The following CTNND2 variants were observed in gnomAD, a reference collection of about 807,000 sequenced individuals.
CTNND2 encodes the protein catenin delta 2.
In CTNND2, 22 loss-of-function variants were observed where a neutral mutation model predicts 144.4. That is an observed-to-expected ratio of 0.15 (90% CI 0.11 to 0.22). The LOEUF is 0.22. Among genes scored for constraint, CTNND2 ranks in the 10% least tolerant of loss-of-function variants. The pLI is 1.00. For synonymous variants in CTNND2, 751 were observed against 695.6 expected (o/e 1.08, Z -1.25); for missense variants, 1,353 against 1,618.8 (o/e 0.84, Z 2.82).
chr5:11,790,998 G>A lies in CTNND2; in HGVS notation c.38-58726C>T, dbSNP rs141992651. Reference sequence around the variant, plus strand: ...GGATGGGCCCAATCCAACAGGACTGGAGTCCTTAAAAAAAGAGAGATGATG... The same window carrying A: ...GGATGGGCCCAATCCAACAGGACTGAAGTCCTTAAAAAAAGAGAGATGATG... On this transcript the variant is annotated intron_variant, in intron 1 of 21. Coordinates refer to ENST00000304623, the MANE Select transcript of CTNND2 (RefSeq NM_001332.4). Among the ~76,000 whole-genome samples the A allele has an allele frequency of 4.6e-4, 70 of 152,220 alleles. 1 individual carries two copies. In the East Asian group the frequency reaches 0.013, roughly 28 times the overall value.
intron 2 of CTNND2, among the ~76,000 whole-genome samples, chr5:11,655,382 C>G (rs996112216): frequency 6.6e-6 from 1 of 151,908 alleles, no homozygotes; most frequent in Non-Finnish European, 1.5e-5. Flanking sequence ...CAACCACCAC[C>G]CCCATTCTGC....
At chr5:11,058,550 G>T (rs189599760) in intron 16 of CTNND2, among the ~76,000 whole-genome samples, 1 of 152,272 alleles carries the variant, frequency 6.6e-6, no homozygotes, top group Non-Finnish European at 1.5e-5. Flanking sequence ...GAAGGGACAG[G>T]GTCCTCATGG....
chr5:11,406,004 C>A (rs1761071069), intron 5 of CTNND2, among the ~76,000 whole-genome samples: 1 of 152,028 alleles, frequency 6.6e-6, no homozygotes, highest in Non-Finnish European at 1.5e-5. Flanking sequence ...CAAAAATTAG[C>A]CAGGCGTAGT....
At chr5:11,506,875 C>A (rs1398177917) in intron 3 of CTNND2, among the ~76,000 whole-genome samples, 1 of 152,176 alleles carries the variant, frequency 6.6e-6, no homozygotes, top group Non-Finnish European at 1.5e-5. Flanking sequence ...CAAACAGTAT[C>A]TTCCCTTCTT....
At chr5:11,164,730 T>C (rs901772737) in intron 11 of CTNND2, among the ~76,000 whole-genome samples, 2 of 152,212 alleles carry the variant, frequency 1.3e-5, no homozygotes, top group African/African-American at 4.8e-5. Flanking sequence ...TCAACTTAAA[T>C]GTGCTAAACT....
intron 2 of CTNND2, among the ~76,000 whole-genome samples, chr5:11,672,955 T>G (rs1222016976): frequency 6.6e-6 from 1 of 152,132 alleles, no homozygotes; most frequent in East Asian, 1.9e-4. Context: ...CCAGTCACAA[T>G]GAGATGAACC....
At chr5:11,017,363 C>T (rs1284996979) in intron 18 of CTNND2, among the ~76,000 whole-genome samples, 2 of 151,734 alleles carry the variant, frequency 1.3e-5, no homozygotes, top group Middle Eastern at 3.2e-3. Flanking sequence ...GAACAAATGC[C>T]GAGCATCTTG....
rs560176493 is a variant in CTNND2 at position 11,890,681 on chromosome 5, G to A, written c.37+13136C>T. Among the ~76,000 whole-genome samples the A allele has an allele frequency of 1.6e-4, 25 of 152,284 alleles. No homozygotes were observed. In the South Asian group the frequency reaches 2.7e-3, roughly 16 times the overall value. ...TTAATGATCAACCTTCGAGGAGGTT[G>A]CAGTCTAATGGAAGGAGACATGGAA... On this transcript the variant is annotated intron_variant, in intron 1 of 21. Coordinates refer to ENST00000304623, the MANE Select transcript of CTNND2 (RefSeq NM_001332.4).
intron 3 of CTNND2, among the ~76,000 whole-genome samples, chr5:11,462,806 T>A (rs1443070507): frequency 6.6e-6 from 1 of 151,938 alleles, no homozygotes; most frequent in East Asian, 1.9e-4. Flanking sequence ...AATCTATGTG[T>A]TTCTTAACAC....
chr5:11,206,769 A>G (rs770633185), intron 10 of CTNND2, among the ~76,000 whole-genome samples: 6 of 152,200 alleles, frequency 3.9e-5, no homozygotes, highest in Non-Finnish European at 8.8e-5. Context: ...GCCTGGAATA[A>G]CTTGAATAAC....
At chr5:11,813,257 T>C (rs1424124419) in intron 1 of CTNND2, among the ~76,000 whole-genome samples, 1 of 152,198 alleles carries the variant, frequency 6.6e-6, no homozygotes, top group Non-Finnish European at 1.5e-5. Context: ...ACTACTTGTG[T>C]GTAAGTACAC....
At chr5:11,850,695 G>C (rs4452559) in intron 1 of CTNND2, among the ~76,000 whole-genome samples, 1 of 152,006 alleles carries the variant, frequency 6.6e-6, no homozygotes, top group Admixed American at 6.6e-5. Flanking sequence ...CACAGCATTC[G>C]CTCACACATA....
rs779258389 is a variant in CTNND2, at chr5:11,111,056, G to A, written c.2278-13C>T. 1 of 1,607,316 alleles carries A rather than the reference G, an allele frequency of 6.2e-7. No homozygotes were observed. The highest frequency in any genetic ancestry group is 8.5e-7 in the Non-Finnish European group (1 of 1,174,600). ...AGTTTTCAACGGTCTGCAGAAAAGG[G>A]GGAAACAGAGGAAAGAATGAGTAAA... is the stretch of plus-strand genomic sequence containing the variant. On this transcript the variant is annotated splice_polypyrimidine_tract_variant and intron_variant, in intron 13 of 21. Transcript: ENST00000304623.
chr5:11,295,643 A>C (rs371643702), intron 9 of CTNND2, among the ~76,000 whole-genome samples: 5 of 152,046 alleles, frequency 3.3e-5, no homozygotes, highest in Admixed American at 6.6e-5. Flanking sequence ...AGATATAGAC[A>C]AATGGAACAG....
At chr5:11,820,991 T>C (rs1263050557) in intron 1 of CTNND2, among the ~76,000 whole-genome samples, 1 of 152,232 alleles carries the variant, frequency 6.6e-6, no homozygotes, top group East Asian at 1.9e-4. Context: ...CTAATGTCCA[T>C]GGTATTCTCT....
chr5:11,483,913 C>A (rs1339317039), intron 3 of CTNND2, among the ~76,000 whole-genome samples: 1 of 152,172 alleles, frequency 6.6e-6, no homozygotes, highest in African/African-American at 2.4e-5. Context: ...GGATGGAAAA[C>A]TGGATTGGGA....
intron 3 of CTNND2, among the ~76,000 whole-genome samples, chr5:11,497,514 G>GGC (rs1241425887): frequency 2.0e-4 from 17 of 86,666 alleles, no homozygotes; most frequent in African/African-American, 6.3e-4. Flanking sequence ...TGATGTGCGG[G>GGC]GGGGTGGGGG....
chr5:11,565,847 T>A (rs1027999305), intron 2 of CTNND2, among the ~76,000 whole-genome samples: 8 of 152,196 alleles, frequency 5.3e-5, no homozygotes, highest in South Asian at 2.1e-4. Flanking sequence ...TAAGTTTTTT[T>A]AAAAATGAAA....
chr5:11,288,942 T>A (rs980393965), intron 9 of CTNND2, among the ~76,000 whole-genome samples: 1 of 152,112 alleles, frequency 6.6e-6, no homozygotes, highest in African/African-American at 2.4e-5. Flanking sequence ...CTTCAAATGC[T>A]GTCAAATGTG....
Sources: gnomAD v4.1 joint callset for allele counts (sites outside exome capture counted in the v4.1 genomes callset) on GRCh38, gnomAD v4.1.1 for gene constraint, MANE v1.5 for transcripts, NCBI Gene and HGNC (gene_info 2026-07-23, HGNC 2026-07-21) for gene names.